RIMS2: variants seen among roughly 807,000 people sequenced by gnomAD.
The protein encoded by RIMS2 is regulating synaptic membrane exocytosis protein 2.
Under a neutral mutation model 174.4 loss-of-function variants are expected in RIMS2, and 59 were observed. That is an observed-to-expected ratio of 0.34 (90% CI 0.27 to 0.42). The LOEUF (loss-of-function observed/expected upper bound fraction) is 0.42. Ranked by LOEUF, RIMS2 falls within the 10% of genes least tolerant of loss-of-function variation. RIMS2 has a pLI of 1.00. For missense variants in RIMS2, 1,620 were observed against 1,666.3 expected (o/e 0.97, Z 0.48); for synonymous variants, 606 against 572.5 (o/e 1.06, Z -0.84).
At chr8:104,061,860 C>A (rs1302936362) in intron 19 of RIMS2, among the ~76,000 whole-genome samples, 1 of 151,784 alleles carries the variant, frequency 6.6e-6, no homozygotes, top group Non-Finnish European at 1.5e-5. Flanking sequence ...TTACAATTAT[C>A]AAACAATGGT....
chr8:104,197,288 G>C (rs1020380505), intron 19 of RIMS2, among the ~76,000 whole-genome samples: 1 of 150,404 alleles, frequency 6.6e-6, no homozygotes, highest in African/African-American at 2.5e-5. Flanking sequence ...CAATTCCTGT[G>C]CCTCAGCCTC....
intron 4 of RIMS2, among the ~76,000 whole-genome samples, chr8:103,889,557 A>T (rs933908265): frequency 6.6e-6 from 1 of 151,724 alleles, no homozygotes; most frequent in East Asian, 1.9e-4. Flanking sequence ...CATAGCTTCT[A>T]CTACGTAGCA....
chr8:103,680,930 C>A (rs1210776430), intron 1 of RIMS2, among the ~76,000 whole-genome samples: 2 of 151,886 alleles, frequency 1.3e-5, no homozygotes, highest in Non-Finnish European at 2.9e-5. Context: ...TAAAAAGTAT[C>A]TAGTGAATGT....
intron 19 of RIMS2, among the ~76,000 whole-genome samples, chr8:104,192,646 C>A (rs999167223): frequency 6.6e-6 from 1 of 152,126 alleles, no homozygotes; most frequent in African/African-American, 2.4e-5. Flanking sequence ...ACTTGTCTTT[C>A]TGGAGATGAA....
chr8:104,176,369 C>A (rs1281767396), intron 19 of RIMS2, among the ~76,000 whole-genome samples: 1 of 152,098 alleles, frequency 6.6e-6, no homozygotes, highest in African/African-American at 2.4e-5. Context: ...GAAACCTTCT[C>A]TGACTGTATT....
intron 17 of RIMS2, among the ~76,000 whole-genome samples, chr8:104,004,016 A>G (rs2095483857): frequency 6.6e-6 from 1 of 152,202 alleles, no homozygotes. Flanking sequence ...CCAGTCTTAT[A>G]TCTTCAATAA....
chr8:103,807,340 A>G (rs2098656870), intron 3 of RIMS2, among the ~76,000 whole-genome samples: 1 of 152,198 alleles, frequency 6.6e-6, no homozygotes, highest in African/African-American at 2.4e-5. Flanking sequence ...TAAAAAAAGA[A>G]CAGAGAATTG....
At chr8:103,620,001 A>G (rs975991228) in intron 1 of RIMS2, among the ~76,000 whole-genome samples, 2 of 152,170 alleles carry the variant, frequency 1.3e-5, no homozygotes, top group African/African-American at 2.4e-5. Context: ...CATTTTACCT[A>G]TAACAAACAG....
chr8:103,856,999 GT>G (rs2099031437), intron 3 of RIMS2, among the ~76,000 whole-genome samples: 1 of 151,886 alleles, frequency 6.6e-6, no homozygotes, highest in Admixed American at 6.6e-5. Flanking sequence ...TTTAAGCTAA[GT>G]TTTTTCTTTT....
At chr8:104,060,085 A>G (rs1450686053) in intron 19 of RIMS2, among the ~76,000 whole-genome samples, 4 of 151,826 alleles carry the variant, frequency 2.6e-5, no homozygotes, top group African/African-American at 9.7e-5. Flanking sequence ...CCAGCCTCAT[A>G]AAATGAGTTA....
chr8:104,004,494 A>AT (rs1236070642), intron 17 of RIMS2, among the ~76,000 whole-genome samples: 1 of 149,482 alleles, frequency 6.7e-6, no homozygotes, highest in Non-Finnish European at 1.5e-5. Flanking sequence ...AGCTGGGGTA[A>AT]TTTTAGAAGG....
chr8:104,221,823 A>G (rs1459930573), intron 19 of RIMS2, among the ~76,000 whole-genome samples: 1 of 152,214 alleles, frequency 6.6e-6, no homozygotes, highest in African/African-American at 2.4e-5. Flanking sequence ...TGTGATGTGC[A>G]ATGGACAAAC....
chr8:103,620,644 C>T (rs577615211), intron 1 of RIMS2, among the ~76,000 whole-genome samples: 4 of 151,590 alleles, frequency 2.6e-5, no homozygotes, highest in South Asian at 2.1e-4. Flanking sequence ...GACCTAGTCC[C>T]GATTCTTAGT....
At chr8:104,108,101 A>T (rs912809639) in intron 19 of RIMS2, among the ~76,000 whole-genome samples, 4 of 152,130 alleles carry the variant, frequency 2.6e-5, no homozygotes, top group South Asian at 2.1e-4. Flanking sequence ...TTACTGATAT[A>T]TGATGAATAG....
At chr8:103,783,740 G>A (rs994703360) in intron 3 of RIMS2, among the ~76,000 whole-genome samples, 1 of 151,540 alleles carries the variant, frequency 6.6e-6, no homozygotes, top group African/African-American at 2.4e-5. Context: ...GTGTGCATGT[G>A]TCTTTATAGC....
rs554952043 is a variant in RIMS2 at position 103,619,649 on chromosome 8, T to C, written c.177-77437T>C. On this transcript the variant is annotated intron_variant, in intron 1 of 23. Coordinates refer to ENST00000504942, the Ensembl canonical transcript of RIMS2. Reference sequence around the variant, plus strand: ...AGGCAGGAGAAGAAAACAGATCACATAGAGAAAGACTTCTACTCTCTGTGT... The same window carrying C: ...AGGCAGGAGAAGAAAACAGATCACACAGAGAAAGACTTCTACTCTCTGTGT... Among the ~76,000 whole-genome samples the C allele has an allele frequency of 3.3e-5, 5 of 152,180 alleles. No individual in the cohort carries two copies. The East Asian group carries it at 7.8e-4, about 24-fold the overall frequency.
chr8:103,664,193 C>T (rs982751587), intron 1 of RIMS2, among the ~76,000 whole-genome samples: 1 of 152,182 alleles, frequency 6.6e-6, no homozygotes. Context: ...AAAACCTAGG[C>T]AATACCATTC....
At chr8:104,087,397 G>A (rs1298247359) in intron 19 of RIMS2, among the ~76,000 whole-genome samples, 1 of 152,060 alleles carries the variant, frequency 6.6e-6, no homozygotes, top group Admixed American at 6.6e-5. Flanking sequence ...ATGGATGGAT[G>A]GATGGACAAG....
Position 103,652,617 on chromosome 8 carries a change from T to C in RIMS2, c.177-44469T>C. 1 of 1,335,004 alleles carries C rather than the reference T, an allele frequency of 7.5e-7. No individual in the cohort carries two copies. The highest frequency in any genetic ancestry group is 1.2e-5 in the South Asian group (1 of 86,880). 82.7% of individuals were successfully genotyped at this position (1,335,004 alleles called of 1,614,324 possible). On this transcript the variant is annotated intron_variant, in intron 1 of 23. Coordinates refer to ENST00000504942, the Ensembl canonical transcript of RIMS2. ...TATTCAGTCACATTATTTGCTTATT[T>C]AAACAGGTGGTTTCCCTTTAGTGGA...
Sources: gnomAD v4.1 joint callset for allele counts (sites outside exome capture counted in the v4.1 genomes callset) on GRCh38, gnomAD v4.1.1 for gene constraint, MANE v1.5 for transcripts, NCBI Gene and HGNC (gene_info 2026-07-23, HGNC 2026-07-21) for gene names.